The following MYCBP2 variants were observed in gnomAD, a reference collection of about 807,000 sequenced individuals.
MYCBP2 encodes MYC binding protein 2.
Under a neutral mutation model 525.3 loss-of-function variants are expected in MYCBP2, and 120 were observed. The ratio of observed to expected loss-of-function variants is 0.23; its 90% CI spans 0.20 to 0.27. The LOEUF (loss-of-function observed/expected upper bound fraction) is 0.27. Among genes scored for constraint, MYCBP2 ranks in the 10% least tolerant of loss-of-function variants. The probability of loss-of-function intolerance (pLI) is 1.00; values close to 1 mark genes in which losing one functional copy is unlikely to be tolerated. For missense variants in MYCBP2, 4,149 were observed against 5,657.1 expected, an observed-to-expected ratio of 0.73 and a Z score of 8.55; for synonymous variants, 1,894 against 1,955.8, an observed-to-expected ratio of 0.97 and a Z score of 0.83.
At chr13:77,274,726 T>C (rs1287772174) in intron 4 of MYCBP2, among the ~76,000 whole-genome samples, 1 of 152,200 alleles carries the variant, frequency 6.6e-6, no homozygotes, top group Non-Finnish European at 1.5e-5. Context: ...ATCATCTCTT[T>C]GATAAAAAGT....
intron 46 of MYCBP2, among the ~76,000 whole-genome samples, chr13:77,152,422 G>A (rs967321582): frequency 5.9e-5 from 9 of 152,178 alleles, no homozygotes; most frequent in African/African-American, 2.2e-4. Context: ...GGGATATACT[G>A]GATAGGAGAA....
chr13:77,052,054 C>G, intron 80 of MYCBP2, 136 bp from the exon 81 acceptor site: 1 of 646,530 alleles, frequency 1.5e-6, no homozygotes, highest in Non-Finnish European at 2.7e-6. Context: ...CCTTGAAATG[C>G]CAAGTGCATG....
At chr13:77,112,378 AATAT>A (rs1258150678) in intron 55 of MYCBP2, among the ~76,000 whole-genome samples, 3 of 146,774 alleles carry the variant, frequency 2.0e-5, no homozygotes, top group Admixed American at 6.9e-5. Flanking sequence ...TATAATATAT[AATAT>A]ATATTTTATA....
intron 55 of MYCBP2, among the ~76,000 whole-genome samples, chr13:77,106,095 C>T (rs958505993): frequency 1.3e-5 from 2 of 152,028 alleles, no homozygotes; most frequent in African/African-American, 4.8e-5. Flanking sequence ...GTATCAGGAC[C>T]CTGACCTTAT....
chr13:77,233,356 A>C, intron 17 of MYCBP2, 93 bp from the exon 18 acceptor site: 1 of 1,025,996 alleles, frequency 9.7e-7, no homozygotes, highest in Non-Finnish European at 1.5e-6. Flanking sequence ...AAGCATAAAA[A>C]TTTATTCTTA....
chr13:77,263,708 A>T lies in MYCBP2; in HGVS notation c.1513T>A (p.Cys505Ser). The change falls in exon 10 of 83, where the codon TGC becomes AGC. Residue 505 changes from cysteine (C) to serine (S), a missense_variant. Cys to Ser is a moderately radical substitution (Grantham distance 112). Around this residue, in one of 21 missense-constraint regions of MYCBP2, gnomAD observed 262 missense variants for 419.3 expected, o/e 0.62. Coordinates refer to ENST00000544440, the MANE Select transcript of MYCBP2 (RefSeq NM_015057.5). Reference protein sequence around the residue: ...QELQLKLARKCLHACGISLFD... With the variant: ...QELQLKLARKSLHACGISLFD... ...AGTGAGATACCACAGGCATGTAAGC[A>T]TTTTCTAGCCAGTTTAAGTTGCAAT... 2 of 1,613,140 alleles carry T rather than the reference A, an allele frequency of 1.2e-6. No individual in the cohort carries two copies. The highest frequency in any genetic ancestry group is 1.7e-6 in the Non-Finnish European group (2 of 1,179,396).
At chr13:77,219,357 A>G (rs1479637328) in intron 20 of MYCBP2, among the ~76,000 whole-genome samples, 1 of 152,068 alleles carries the variant, frequency 6.6e-6, no homozygotes, top group Non-Finnish European at 1.5e-5. Context: ...TGCAGCAGAT[A>G]AGGAGTCAGA....
intron 72 of MYCBP2, among the ~76,000 whole-genome samples, chr13:77,065,660 C>T (rs189108390): frequency 1.5e-3 from 232 of 152,306 alleles, no homozygotes; most frequent in African/African-American, 5.3e-3. Context: ...GAAACTTCCA[C>T]TTTCGAGAGC....
At chr13:77,078,990 G>T in intron 65 of MYCBP2, 101 bp from the exon 66 acceptor site, 1 of 922,620 alleles carries the variant, frequency 1.1e-6, no homozygotes, top group Non-Finnish European at 1.7e-6. Context: ...TCTTCTGCCT[G>T]TCTCTTATGG....
At chr13:77,262,219 A>C in intron 10 of MYCBP2, 90 bp from the exon 11 acceptor site, 1 of 1,038,974 alleles carries the variant, frequency 9.6e-7, no homozygotes, top group South Asian at 1.7e-5. Flanking sequence ...TGCAATGTCA[A>C]TTCAAAATCA....
At position 77,159,146 on chromosome 13, in the gene MYCBP2, C is replaced by T. The variant is rs1360564515; in HGVS notation, c.6598-1037G>A. The stretch of plus-strand genomic sequence containing the variant: ...GAATCAAATAGACTTAAATTCAAAT[C>T]CTGGCTTTGGACAAATTATTTGCTG... On this transcript the variant is annotated intron_variant, in intron 44 of 82. Coordinates refer to ENST00000544440, the MANE Select transcript of MYCBP2 (RefSeq NM_015057.5). Among the ~76,000 whole-genome samples, 6 of 152,098 alleles carry T rather than the reference C, an allele frequency of 3.9e-5. No individual in the cohort carries two copies. In the East Asian group the frequency reaches 9.6e-4, roughly 24 times the overall value.
intron 17 of MYCBP2, among the ~76,000 whole-genome samples, chr13:77,242,654 A>C (rs1183002669): frequency 6.6e-6 from 1 of 152,228 alleles, no homozygotes; most frequent in East Asian, 1.9e-4. Context: ...AAGAAAATAG[A>C]AATGAAAAAG....
At chr13:77,047,045 A>G (rs60723031) in intron 82 of MYCBP2, among the ~76,000 whole-genome samples, 6,173 of 152,202 alleles carry the variant, frequency 0.041, 450 homozygotes, top group African/African-American at 0.14. Flanking sequence ...CTCAACAAAT[A>G]TTTACCGCAT....
At chr13:77,200,579 G>A (rs1014249798) in intron 26 of MYCBP2, among the ~76,000 whole-genome samples, 2 of 152,146 alleles carry the variant, frequency 1.3e-5, no homozygotes, top group South Asian at 2.1e-4. Context: ...CAACTCCAAG[G>A]CACATAATTG....
At chr13:77,130,187 T>C (rs2052501252) in intron 52 of MYCBP2, among the ~76,000 whole-genome samples, 1 of 151,890 alleles carries the variant, frequency 6.6e-6, no homozygotes, top group Non-Finnish European at 1.5e-5. Flanking sequence ...GATAAACGGT[T>C]ATTTTGAACC....
At chr13:77,230,089 G>A (rs755029165) in intron 18 of MYCBP2, among the ~76,000 whole-genome samples, 1 of 152,122 alleles carries the variant, frequency 6.6e-6, no homozygotes, top group Non-Finnish European at 1.5e-5. Context: ...TATTGATTCA[G>A]TCTATATACT....
At chr13:77,294,400 AAATG>A (rs2077950885) in intron 2 of MYCBP2, among the ~76,000 whole-genome samples, 1 of 152,006 alleles carries the variant, frequency 6.6e-6, no homozygotes, top group Non-Finnish European at 1.5e-5. Flanking sequence ...TTTGAGGAAT[AAATG>A]AATGAACTTA....
chr13:77,172,599 A>G (rs2059252406), intron 37 of MYCBP2, among the ~76,000 whole-genome samples: 1 of 152,168 alleles, frequency 6.6e-6, no homozygotes, highest in African/African-American at 2.4e-5. Context: ...CTAGACTATT[A>G]AATATGGAAG....
In MYCBP2 at chr13:77,166,546, G is replaced by T; in HGVS notation, c.6123C>A (p.Phe2041Leu). 6.2e-7 allele frequency: 1 copy of T among 1,610,600 alleles called. No individual in the cohort carries two copies. The highest frequency in any genetic ancestry group is 8.5e-7 in the Non-Finnish European group (1 of 1,178,002). ...TTGTCATCCACCTCACACATTCTGG[G>T]AATGTCACCTGAGGTCAACAGGCAA... ...PACVMHYKVT[F>L]PECVRWMTIE... Residue 2041 changes from phenylalanine to leucine, a missense_variant, in exon 41 of 83, where the codon TTC (phenylalanine) becomes TTA (leucine). Around this residue, in one of 21 missense-constraint regions of MYCBP2, gnomAD observed 692 missense variants for 852.7 expected, o/e 0.81. Transcript: ENST00000544440.
Sources: gnomAD v4.1 joint callset for allele counts (sites outside exome capture counted in the v4.1 genomes callset) on GRCh38, gnomAD v4.1.1 for gene constraint, gnomAD v4.1.1 regional missense constraint, MANE v1.5 for transcripts, NCBI Gene and HGNC (gene_info 2026-07-23, HGNC 2026-07-21) for gene names.